TBC1D32: variants seen among roughly 807,000 people sequenced by gnomAD.
TBC1D32 encodes the protein TBC1 domain family member 32.
A neutral mutation model predicts 170.3 loss-of-function variants in TBC1D32; 151 were observed. That is an observed-to-expected ratio of 0.89 (90% confidence interval 0.78 to 1.01). TBC1D32 has a LOEUF of 1.01. TBC1D32 is among the 50% of genes least tolerant of loss of function. The probability of loss-of-function intolerance (pLI) is 0.00; values close to 1 mark genes in which losing one functional copy is unlikely to be tolerated. For synonymous variants in TBC1D32, 498 were observed against 488.0 expected (o/e 1.02, Z -0.27); for missense variants, 1,464 against 1,457.1 (o/e 1.00, Z -0.08).
At chr6:121,096,469 C>A (rs966757523) in intron 30 of TBC1D32, among the ~76,000 whole-genome samples, 7 of 151,912 alleles carry the variant, frequency 4.6e-5, no homozygotes, top group African/African-American at 1.7e-4. Context: ...AAATAAAATA[C>A]CTAGGAATAC....
intron 20 of TBC1D32, among the ~76,000 whole-genome samples, chr6:121,235,369 G>C (rs1266561736): frequency 6.6e-6 from 1 of 152,144 alleles, no homozygotes; most frequent in East Asian, 1.9e-4. Context: ...ACCACCAGGA[G>C]GGGGCAGGGA....
intron 20 of TBC1D32, among the ~76,000 whole-genome samples, chr6:121,235,510 A>G (rs1413611175): frequency 6.6e-6 from 1 of 152,136 alleles, no homozygotes; most frequent in African/African-American, 2.4e-5. Flanking sequence ...TGAGTCATAC[A>G]AATCACCAGG....
chr6:121,139,783 G>T (rs1427454696), intron 24 of TBC1D32: 1 of 151,978 alleles, frequency 6.6e-6, no homozygotes, highest in African/African-American at 2.4e-5. Context: ...CTCACTGAAC[G>T]CTGCATAGCT....
intron 15 of TBC1D32, among the ~76,000 whole-genome samples, chr6:121,265,845 T>C (rs1800405771): frequency 6.6e-6 from 1 of 152,122 alleles, no homozygotes. Context: ...ATCTAATAAA[T>C]GGTGGTGGGA....
chr6:121,265,656 A>G (rs1800377783), intron 15 of TBC1D32, among the ~76,000 whole-genome samples: 1 of 152,162 alleles, frequency 6.6e-6, no homozygotes, highest in African/African-American at 2.4e-5. Flanking sequence ...TGGAGGCATC[A>G]TGCTACGTGA....
intron 29 of TBC1D32, among the ~76,000 whole-genome samples, chr6:121,107,671 T>C (rs1279859283): frequency 6.6e-6 from 1 of 151,990 alleles, no homozygotes; most frequent in Non-Finnish European, 1.5e-5. Context: ...TGACTAAATC[T>C]AATAGGCATA....
intron 27 of TBC1D32, among the ~76,000 whole-genome samples, chr6:121,113,701 T>C (rs1779419415): frequency 4.6e-5 from 7 of 152,182 alleles, no homozygotes; most frequent in Admixed American, 4.6e-4. Flanking sequence ...GTTACTGGTA[T>C]GGATGAAAAA....
intron 26 of TBC1D32, among the ~76,000 whole-genome samples, chr6:121,122,682 C>T (rs1488173226): frequency 1.3e-5 from 2 of 152,080 alleles, no homozygotes; most frequent in African/African-American, 4.8e-5. Context: ...TTTATCATTA[C>T]ACCTTTTAAC....
At chr6:121,228,339 C>T (rs1051395934) in intron 20 of TBC1D32, among the ~76,000 whole-genome samples, 1 of 151,956 alleles carries the variant, frequency 6.6e-6, no homozygotes, top group Non-Finnish European at 1.5e-5. Flanking sequence ...TTTTTCTACT[C>T]CCTTTGGGTA....
At chr6:121,080,936 AC>A (rs1775578141) in intron 31 of TBC1D32, 46 bp from the exon 32 acceptor site, 1 of 1,592,264 alleles carries the variant, frequency 6.3e-7, no homozygotes, top group African/African-American at 1.4e-5. Context: ...AGTAAGACAC[AC>A]AATTCCAAGT....
At chr6:121,214,578 G>A (rs924941949) in intron 21 of TBC1D32, among the ~76,000 whole-genome samples, 2 of 152,114 alleles carry the variant, frequency 1.3e-5, no homozygotes, top group South Asian at 2.1e-4. Flanking sequence ...CTTCTACTAC[G>A]GGCACCAGGG....
At chr6:121,242,958 C>T (rs1332786162) in intron 17 of TBC1D32, among the ~76,000 whole-genome samples, 1 of 151,908 alleles carries the variant, frequency 6.6e-6, no homozygotes, top group Non-Finnish European at 1.5e-5. Context: ...CATTTGAAAA[C>T]ATGACACAAA....
At chr6:121,156,875 G>A (rs989712464) in intron 24 of TBC1D32, among the ~76,000 whole-genome samples, 1 of 152,118 alleles carries the variant, frequency 6.6e-6, no homozygotes, top group African/African-American at 2.4e-5. Flanking sequence ...TGGTCTGAGA[G>A]TGTGCTTGGC....
At chr6:121,083,303 T>A (rs1403051636) in intron 31 of TBC1D32, among the ~76,000 whole-genome samples, 1 of 152,096 alleles carries the variant, frequency 6.6e-6, no homozygotes, top group Non-Finnish European at 1.5e-5. Flanking sequence ...GAAATTTTTT[T>A]AATAGATTAC....
At chr6:121,323,377 G>T (rs890842562) in intron 1 of TBC1D32, among the ~76,000 whole-genome samples, 24 of 152,024 alleles carry the variant, frequency 1.6e-4, no homozygotes, top group African/African-American at 5.8e-4. Context: ...CCTTCCAAAA[G>T]AACTTATTTT....
intron 4 of TBC1D32, among the ~76,000 whole-genome samples, chr6:121,310,379 T>C: frequency 6.6e-6 from 1 of 152,286 alleles, no homozygotes; most frequent in East Asian, 1.9e-4. Flanking sequence ...TTTTATTTGA[T>C]CATTAAAAAT....
At chr6:121,101,764 A>C (rs533573853) in intron 30 of TBC1D32, among the ~76,000 whole-genome samples, 1 of 152,272 alleles carries the variant, frequency 6.6e-6, no homozygotes, top group African/African-American at 2.4e-5. Context: ...AAAGAAATAA[A>C]GGGTATTCAA....
chr6:121,131,708 T>C lies in TBC1D32; in HGVS notation c.2818A>G (p.Lys940Glu). Residue 940 changes from lysine (K) to glutamate (E), a missense_variant, in exon 25 of 32, where the codon AAA becomes GAA. Physicochemically the swap from Lys to Glu is moderately conservative, Grantham distance 56 (BLOSUM62 1). This residue lies in a region of TBC1D32 where 1,363 missense variants were observed against 1,338.1 expected (regional missense o/e 1.02). Coordinates refer to ENST00000398212, the MANE Select transcript of TBC1D32 (RefSeq NM_152730.6). ...KLLLCLKISD[K>E]QTEWIENCQR... is the part of the protein sequence containing the mutation. ...CAGTTTTCTATCCATTCAGTTTGTT[T>C]ATCAGATATTTTGAGGCATAATAAA... 1.2e-6 allele frequency: 2 copies of C among 1,609,212 alleles called. No individual in the cohort carries two copies. The highest frequency in any genetic ancestry group is 8.5e-7 in the Non-Finnish European group (1 of 1,176,976).
In TBC1D32 at chr6:121,092,293, G is replaced by GTTT. The variant is rs1160372863; in HGVS notation, c.3466-1255_3466-1253dup. On this transcript the variant is annotated intron_variant, in intron 30 of 31. Coordinates refer to ENST00000398212, the MANE Select transcript of TBC1D32 (RefSeq NM_152730.6). ...AATATCTCTTCTCCTTCAGTTTTATGTTTTTTTTTTTTTTTTTTTTTTTTT... is the reference window on the plus strand; with the variant it reads ...AATATCTCTTCTCCTTCAGTTTTATGTTTTTTTTTTTTTTTTTTTTTTTTTTTT... Among the ~76,000 whole-genome samples the GTTT allele has an allele frequency of 8.4e-3, 425 of 50,422 alleles. 51 individuals carry two copies. Among genetic ancestry groups the GTTT allele is most frequent in the Non-Finnish European group, 0.014 (335 of 23,250 alleles). The allele number at this position is 50,422 out of a possible 152,430, so 33.1% of individuals were successfully genotyped here.
Sources: gnomAD v4.1 joint callset for allele counts (sites outside exome capture counted in the v4.1 genomes callset) on GRCh38, gnomAD v4.1.1 for gene constraint, gnomAD v4.1.1 regional missense constraint, MANE v1.5 for transcripts, NCBI Gene and HGNC (gene_info 2026-07-23, HGNC 2026-07-21) for gene names.